The following DRGX variants were observed in gnomAD, a reference collection of about 807,000 sequenced individuals.
The protein encoded by DRGX is dorsal root ganglia homeobox.
A neutral mutation model predicts 28.6 loss-of-function variants in DRGX; 21 were observed. That is an observed-to-expected ratio of 0.73 (90% CI 0.52 to 1.06). The LOEUF is 1.06. DRGX is among the 50% of genes least tolerant of loss of function. The pLI, the probability that DRGX is intolerant of heterozygous loss-of-function variation, is 0.00. For synonymous variants in DRGX, 136 were observed against 139.1 expected, an observed-to-expected ratio of 0.98 and a Z score of 0.16; for missense variants, 354 against 343.9, an observed-to-expected ratio of 1.03 and a Z score of -0.23.
intron 2 of DRGX, among the ~76,000 whole-genome samples, 160 bp downstream of exon 2, chr10:49,395,247 G>C (rs1343008626): frequency 6.6e-6 from 1 of 152,124 alleles, no homozygotes; most frequent in Non-Finnish European, 1.5e-5. Context: ...CGGGCCTGGA[G>C]TGGGGTGTAG....
intron 6 of DRGX, among the ~76,000 whole-genome samples, chr10:49,380,467 C>A (rs1456871133): frequency 6.6e-6 from 1 of 152,200 alleles, no homozygotes; most frequent in Non-Finnish European, 1.5e-5. Flanking sequence ...TAAGAAAATT[C>A]TTTGTATTGG....
intron 6 of DRGX, among the ~76,000 whole-genome samples, chr10:49,369,456 G>A (rs1038389045): frequency 5.1e-4 from 78 of 152,240 alleles, no homozygotes; most frequent in Admixed American, 4.4e-3. Context: ...CTCCAACAGG[G>A]GTCATTATGA....
intron 2 of DRGX, among the ~76,000 whole-genome samples, chr10:49,391,532 C>T (rs1302330023): frequency 1.3e-5 from 2 of 152,188 alleles, no homozygotes; most frequent in African/African-American, 4.8e-5. Context: ...AAATTCTAGA[C>T]TCTGAACCAG....
At chr10:49,366,496 C>T (rs1386641620) in intron 6 of DRGX, 115 bp from the exon 7 acceptor site, 1 of 1,423,670 alleles carries the variant, frequency 7.0e-7, no homozygotes, top group African/African-American at 1.4e-5. Context: ...CCTCTGGTGC[C>T]AGATACTAAA....
chr10:49,383,574 G>A (rs1849800459), intron 6 of DRGX, among the ~76,000 whole-genome samples: 1 of 152,182 alleles, frequency 6.6e-6, no homozygotes. Flanking sequence ...TTTAAAAGAT[G>A]GAAATTGTTA....
intron 4 of DRGX, among the ~76,000 whole-genome samples, chr10:49,388,474 T>G (rs1039906346): frequency 2.0e-5 from 3 of 152,250 alleles, no homozygotes; most frequent in African/African-American, 7.2e-5. Flanking sequence ...CTTTCTTTCT[T>G]TTCTAATCTA....
rs752452564 is a variant in DRGX at position 49,391,279 on chromosome 10, A to T, written c.35-18T>A. 6 of 1,604,322 alleles carry T rather than the reference A, an allele frequency of 3.7e-6. No individual in the cohort carries two copies. The highest frequency in any genetic ancestry group is 5.1e-6 in the Non-Finnish European group (6 of 1,175,204). ...TGCAGTGCCTACCAAGAGCAAACTG[A>T]TCAACCTGGGCAGGAAGGGGCCCCA... On this transcript the variant is annotated intron_variant, in intron 2 of 6. Coordinates refer to ENST00000374139, the MANE Select transcript of DRGX (RefSeq NM_001276451.2).
chr10:49,394,504 A>G (rs1402620447), intron 2 of DRGX, among the ~76,000 whole-genome samples: 1 of 152,210 alleles, frequency 6.6e-6, no homozygotes, highest in Non-Finnish European at 1.5e-5. Flanking sequence ...CCAATACCCC[A>G]GTGCTGAGAC....
Position 49,391,316 on chromosome 10 carries a change from G to A in DRGX, c.35-55C>T, listed in dbSNP as rs112834209. On this transcript the variant is annotated intron_variant, in intron 2 of 6. Coordinates refer to ENST00000374139, the MANE Select transcript of DRGX (RefSeq NM_001276451.2). ...AGGAAGGGGCCCCAGTCCTCAGACC[G>A]CCCCCAGACACAGTTCAGAGGGCAC... is the stretch of plus-strand genomic sequence containing the variant. 83 of 1,468,404 alleles carry A rather than the reference G, an allele frequency of 5.7e-5. 1 individual carries two copies. In the Middle Eastern group the frequency reaches 1.5e-3, roughly 27 times the overall value. 91.0% of individuals were successfully genotyped at this position (1,468,404 alleles called of 1,614,324 possible).
intron 6 of DRGX, among the ~76,000 whole-genome samples, chr10:49,377,512 G>A (rs1849728901): frequency 6.6e-6 from 1 of 152,202 alleles, no homozygotes; most frequent in African/African-American, 2.4e-5. Context: ...ATAGGATGCA[G>A]CAGCAGTGAC....
In DRGX at chr10:49,396,004, G is replaced by C. The variant is rs981467034; in HGVS notation, c.-151C>G. 6.6e-6 allele frequency: 1 copy of C among 152,662 alleles called. No homozygotes were observed. Among genetic ancestry groups the C allele is most frequent in the Non-Finnish European group, 1.5e-5 (1 of 68,400 alleles). 9.5% of individuals were successfully genotyped at this position (152,662 alleles called of 1,614,324 possible). A position where few individuals can be genotyped will look rare whatever the true frequency, so the allele number is the denominator to read the frequency against. ...ATCCGCAAGCCCTGCTCGGCTGGCG[G>C]CGGGCGGGGCTCGGCGCGGCTGGCG... is the stretch of plus-strand genomic sequence containing the variant. On this transcript the variant is annotated 5_prime_UTR_variant, in exon 1 of 7. Transcript: ENST00000374139.
intron 3 of DRGX, 61 bp downstream of exon 3, chr10:49,391,103 A>C: frequency 6.5e-7 from 1 of 1,538,880 alleles, no homozygotes; most frequent in South Asian, 1.1e-5. Flanking sequence ...AGAGTTGCTC[A>C]ACTTTGATTT....
chr10:49,390,376 TGGAAAGATC>T, intron 3 of DRGX, 142 bp from the exon 4 acceptor site: 1 of 713,586 alleles, frequency 1.4e-6, no homozygotes, highest in Non-Finnish European at 2.2e-6. Context: ...GAGAGCTCTT[TGGAAAGATC>T]CCACAGAATG....
intron 6 of DRGX, among the ~76,000 whole-genome samples, chr10:49,383,196 G>A (rs1849796614): frequency 1.3e-5 from 2 of 152,230 alleles, no homozygotes; most frequent in African/African-American, 4.8e-5. Flanking sequence ...CCCACTGGTT[G>A]TACAACTACA....
intron 6 of DRGX, among the ~76,000 whole-genome samples, chr10:49,378,891 G>C (rs1188689252): frequency 6.6e-6 from 1 of 152,060 alleles, no homozygotes; most frequent in African/African-American, 2.4e-5. Context: ...GTATATATAT[G>C]CTGTATATCT....
At chr10:49,378,430 G>A (rs1275983950) in intron 6 of DRGX, among the ~76,000 whole-genome samples, 1 of 152,204 alleles carries the variant, frequency 6.6e-6, no homozygotes, top group South Asian at 2.1e-4. Flanking sequence ...AATGGAGAAA[G>A]TGCCAGTGAC....
Position 49,386,838 on chromosome 10 carries a change from C to T in DRGX, c.255G>A (p.Arg85=). The T allele has an allele frequency of 6.4e-7, 1 of 1,568,830 alleles. No individual in the cohort carries two copies. Among genetic ancestry groups the T allele is most frequent in the Non-Finnish European group, 8.6e-7 (1 of 1,163,028 alleles). ...ARVQVWFQNR[R]AKWRKTERGA... ...CTCTCTCTGTCTTCCTCCATTTGGCCCTTCTGTTCTGGAACCAAACCTGAA... is the reference window on the plus strand; with the variant it reads ...CTCTCTCTGTCTTCCTCCATTTGGCTCTTCTGTTCTGGAACCAAACCTGAA... Residue 85 remains arginine, a synonymous_variant, in exon 5 of 7, where the codon AGG becomes AGA. Transcript: ENST00000374139.
chr10:49,366,428 C>T, intron 6 of DRGX, 47 bp from the exon 7 acceptor site: 2 of 1,544,420 alleles, frequency 1.3e-6, no homozygotes, highest in Non-Finnish European at 8.8e-7. Context: ...TACTTTCTGC[C>T]TCTCAGGGCT....
intron 6 of DRGX, among the ~76,000 whole-genome samples, chr10:49,385,527 TCTC>T (rs1456302378): frequency 1.3e-5 from 2 of 152,080 alleles, no homozygotes; most frequent in Admixed American, 6.5e-5. Context: ...TCCATCATAT[TCTC>T]CTTCTGTCTC....
Sources: allele counts gnomAD v4.1 joint callset (sites outside exome capture counted in the v4.1 genomes callset), GRCh38; gene constraint gnomAD v4.1.1; transcripts MANE v1.5; gene names NCBI Gene and HGNC (gene_info 2026-07-23, HGNC 2026-07-21).